The following CGNL1 variants were observed in gnomAD, a reference collection of about 807,000 sequenced individuals.
The protein encoded by CGNL1 is cingulin-like protein 1.
CGNL1 carries 132 observed loss-of-function variants against 141.2 expected under a neutral mutation model. The ratio of observed to expected loss-of-function variants is 0.93; its 90% CI spans 0.81 to 1.08. The LOEUF (loss-of-function observed/expected upper bound fraction) is 1.08. CGNL1 is among the 50% of genes least tolerant of loss of function. The probability of loss-of-function intolerance (pLI) is 0.00; values close to 1 mark genes in which losing one functional copy is unlikely to be tolerated. For synonymous variants in CGNL1, 690 were observed against 622.1 expected (o/e 1.11, Z -1.63); for missense variants, 1,870 against 1,588.6 (o/e 1.18, Z -3.01).
intron 1 of CGNL1, among the ~76,000 whole-genome samples, chr15:57,416,380 A>T (rs1264257370): frequency 1.3e-5 from 2 of 152,052 alleles, no homozygotes; most frequent in Non-Finnish European, 2.9e-5. Flanking sequence ...TTGGAACCTC[A>T]GCTCACCACC....
Position 57,442,338 on chromosome 15 carries a change from G to T in CGNL1, c.1698-35G>T, listed in dbSNP as rs770761926. On this transcript the variant is annotated intron_variant, in intron 3 of 18. Transcript: ENST00000281282. ...AAATTGTTCTGAGACCAGTGGTTGT[G>T]TCCCTCATTGTTTTCTCTGCTGTCC... The T allele has an allele frequency of 6.0e-6, 8 of 1,322,414 alleles. No homozygotes were observed. In the East Asian group the frequency reaches 1.8e-4, roughly 30 times the overall value. The allele number at this position is 1,322,414 out of a possible 1,614,324, so 81.9% of individuals were successfully genotyped here.
intron 1 of CGNL1, among the ~76,000 whole-genome samples, chr15:57,396,751 C>G (rs1474188456): frequency 6.6e-6 from 1 of 152,148 alleles, no homozygotes; most frequent in Non-Finnish European, 1.5e-5. Flanking sequence ...TAATGACTAT[C>G]ATCATTCTGG....
At chr15:57,402,100 T>C (rs2152252472) in intron 1 of CGNL1, 2 of 152,304 alleles carry the variant, frequency 1.3e-5, no homozygotes, top group Middle Eastern at 3.4e-3. Context: ...GTAAATCTCA[T>C]GTTGAATTGT....
intron 8 of CGNL1, among the ~76,000 whole-genome samples, chr15:57,465,046 G>A (rs950768551): frequency 3.0e-4 from 46 of 152,062 alleles, no homozygotes; most frequent in African/African-American, 9.4e-4. Context: ...GCCACTGTGC[G>A]CGGCTTCCTT....
intron 1 of CGNL1, among the ~76,000 whole-genome samples, chr15:57,414,633 C>T (rs888582039): frequency 8.0e-5 from 12 of 149,076 alleles, no homozygotes; most frequent in African/African-American, 3.0e-4. Flanking sequence ...AATTTGTCAC[C>T]TGTGTTCCTC....
chr15:57,496,587 C>T (rs1315646934), intron 8 of CGNL1, among the ~76,000 whole-genome samples: 1 of 152,140 alleles, frequency 6.6e-6, no homozygotes. Context: ...TTGGGGACTG[C>T]TGCTTTACTC....
intron 8 of CGNL1, among the ~76,000 whole-genome samples, chr15:57,501,284 G>A (rs116482878): frequency 5.3e-4 from 80 of 152,302 alleles, no homozygotes; most frequent in African/African-American, 1.9e-3. Context: ...TTACCTCTCA[G>A]TACCTCAGTT....
In CGNL1 at chr15:57,383,766, C is replaced by G. The variant is rs1029136695; in HGVS notation, c.-16+7199C>G. 6.6e-5 allele frequency among the ~76,000 whole-genome samples: 10 copies of G among 151,806 alleles called. No individual in the cohort carries two copies. In the South Asian group the frequency reaches 1.0e-3, roughly 16 times the overall value. On this transcript the variant is annotated intron_variant, in intron 1 of 18. Transcript: ENST00000281282. ...ACCTCAGCCTCCCGAGGAGCTGGGA[C>G]CACAGATGCAGGCTACTATGCCTGG...
intron 1 of CGNL1, among the ~76,000 whole-genome samples, chr15:57,410,934 G>A (rs753384222): frequency 6.6e-6 from 1 of 152,210 alleles, no homozygotes; most frequent in Non-Finnish European, 1.5e-5. Context: ...TGATAAATAT[G>A]TGGTGTTGGT....
chr15:57,475,440 A>G (rs2063639895), intron 8 of CGNL1, among the ~76,000 whole-genome samples: 1 of 151,984 alleles, frequency 6.6e-6, no homozygotes, highest in East Asian at 1.9e-4. Flanking sequence ...ATCTGACCCA[A>G]AATGTCAATC....
At chr15:57,491,919 C>T (rs1054990861) in intron 8 of CGNL1, among the ~76,000 whole-genome samples, 5 of 152,216 alleles carry the variant, frequency 3.3e-5, no homozygotes, top group South Asian at 2.1e-4. Context: ...GAAACTGTTA[C>T]GGTCATCAAA....
At chr15:57,434,144 G>T (rs1448135765) in intron 1 of CGNL1, among the ~76,000 whole-genome samples, 1 of 152,138 alleles carries the variant, frequency 6.6e-6, no homozygotes, top group Non-Finnish European at 1.5e-5. Context: ...GAGAAAACGT[G>T]TTTTTAGAAG....
At chr15:57,492,384 A>G (rs2063877697) in intron 8 of CGNL1, among the ~76,000 whole-genome samples, 1 of 152,230 alleles carries the variant, frequency 6.6e-6, no homozygotes. Flanking sequence ...TGTACAGATT[A>G]AGGAGTGCTA....
chr15:57,460,646 G>A (rs2063434134), intron 7 of CGNL1, among the ~76,000 whole-genome samples: 1 of 152,094 alleles, frequency 6.6e-6, no homozygotes, highest in Non-Finnish European at 1.5e-5. Flanking sequence ...AGCAAAGTGG[G>A]GAAAGCCCCT....
At chr15:57,482,667 A>G (rs2063739725) in intron 8 of CGNL1, among the ~76,000 whole-genome samples, 1 of 152,160 alleles carries the variant, frequency 6.6e-6, no homozygotes, top group African/African-American at 2.4e-5. Context: ...CCAGTATCAC[A>G]TAGTTTTGAT....
At chr15:57,452,039 G>GT in intron 5 of CGNL1, 102 bp from the exon 6 acceptor site, 1 of 988,560 alleles carries the variant, frequency 1.0e-6, no homozygotes. Flanking sequence ...GTTTAATAAT[G>GT]TAAGTGCAAA....
chr15:57,505,321 G>A lies in CGNL1; in HGVS notation c.2404-11459G>A, dbSNP rs182360678. On this transcript the variant is annotated intron_variant, in intron 8 of 18. Coordinates refer to ENST00000281282, the MANE Select transcript of CGNL1 (RefSeq NM_032866.5). ...TCCGTGCAGTGAATGGATCCGTAACGCCACCCTGTTTTTAAGAAAGCTGAG... is the reference window on the plus strand; with the variant it reads ...TCCGTGCAGTGAATGGATCCGTAACACCACCCTGTTTTTAAGAAAGCTGAG... Among the ~76,000 whole-genome samples the A allele has an allele frequency of 2.6e-3, 400 of 152,164 alleles. 1 individual carries two copies. Among genetic ancestry groups the A allele is most frequent in the African/African-American group, 9.0e-3 (375 of 41,520 alleles).
intron 8 of CGNL1, among the ~76,000 whole-genome samples, chr15:57,488,924 G>T (rs1277681666): frequency 6.6e-6 from 1 of 152,140 alleles, no homozygotes; most frequent in Non-Finnish European, 1.5e-5. Flanking sequence ...TTTACCCAAA[G>T]GAGGCCAGGT....
chr15:57,537,590 C>T (rs902438328), intron 14 of CGNL1, among the ~76,000 whole-genome samples: 1 of 151,990 alleles, frequency 6.6e-6, no homozygotes, highest in East Asian at 1.9e-4. Context: ...GTGGGCTTGC[C>T]GACCTCTTTA....
Sources: allele counts gnomAD v4.1 joint callset (sites outside exome capture counted in the v4.1 genomes callset), GRCh38; gene constraint gnomAD v4.1.1; transcripts MANE v1.5; gene names NCBI Gene and HGNC (gene_info 2026-07-23, HGNC 2026-07-21).